MRPL43: variants seen among roughly 807,000 people sequenced by gnomAD.
MRPL43 encodes the protein mitochondrial ribosomal protein L43.
A neutral mutation model predicts 12.7 loss-of-function variants in MRPL43; 9 were observed. The ratio of observed to expected loss-of-function variants is 0.71; its 90% CI spans 0.43 to 1.24. The LOEUF (loss-of-function observed/expected upper bound fraction) is 1.24, where lower values mean the gene tolerates loss of function less well. Ranked by LOEUF, MRPL43 falls within the 50% of genes most tolerant of loss-of-function variation. The pLI is 0.00. For missense variants in MRPL43, 211 were observed against 229.2 expected (o/e 0.92, Z 0.51); for synonymous variants, 116 against 96.4 (o/e 1.20, Z -1.19).
At position 100,987,104 on chromosome 10, in the gene MRPL43, A is replaced by C; in HGVS notation, c.224T>G (p.Val75Gly). Reference protein sequence around the residue: ...VNSRPCCVPRVVAEYLNGAVR... With the variant: ...VNSRPCCVPRGVAEYLNGAVR... ...GCCCCACTCACGGTATTCGGCCACTACTCTGGGCACGCAGCACGGACGCGA... is the reference window on the plus strand; with the variant it reads ...GCCCCACTCACGGTATTCGGCCACTCCTCTGGGCACGCAGCACGGACGCGA... Residue 75 changes from valine (V) to glycine (G), a missense_variant, in exon 2 of 3, where the codon GTA (valine) becomes GGA (glycine). Val to Gly is a moderately radical substitution (Grantham distance 109). Coordinates refer to ENST00000318364, the MANE Select transcript of MRPL43 (RefSeq NM_032112.3). 2.5e-6 allele frequency: 4 copies of C among 1,613,370 alleles called. No homozygotes were observed. The highest frequency in any genetic ancestry group is 3.4e-6 in the Non-Finnish European group (4 of 1,179,964).
downstream of MRPL43, among the ~76,000 whole-genome samples, chr10:100,982,288 G>A (rs1229480696): frequency 6.6e-6 from 1 of 152,156 alleles, no homozygotes; most frequent in African/African-American, 2.4e-5. Context: ...CAAAGGCCAT[G>A]TTGAAGATTT....
chr10:100,979,943 G>A (rs774913495), downstream of MRPL43: 10 of 1,614,140 alleles, frequency 6.2e-6, no homozygotes, highest in Admixed American at 8.3e-5. Context: ...GATGGTTCCC[G>A]GCGCTGGGGT....
chr10:100,986,634 A>G lies in MRPL43; in HGVS notation c.*100T>C. 2 of 1,613,740 alleles carry G rather than the reference A, an allele frequency of 1.2e-6. No individual in the cohort carries two copies. Among genetic ancestry groups the G allele is most frequent in the Non-Finnish European group, 1.7e-6 (2 of 1,179,972 alleles). On this transcript the variant is annotated 3_prime_UTR_variant, in exon 3 of 3. Transcript: ENST00000318364. ...AGAACCTCTGTCAACTTGCCCATTGATGGGTTCCATTTGCCTGGGCTTGGA... is the reference window on the plus strand; with the variant it reads ...AGAACCTCTGTCAACTTGCCCATTGGTGGGTTCCATTTGCCTGGGCTTGGA...
downstream of MRPL43, among the ~76,000 whole-genome samples, chr10:100,981,736 C>T (rs1406409687): frequency 6.6e-6 from 1 of 152,168 alleles, no homozygotes; most frequent in Admixed American, 6.5e-5. Context: ...ATTGCTCAAA[C>T]TTATTCAGCT....
chr10:100,986,322 A>G lies in MRPL43; in HGVS notation c.*412T>C. ...ACCTGTTTTATAAATCTGTATTCAC[A>G]CAGATATAAAGTGCCTAGCCCATCA... On this transcript the variant is annotated 3_prime_UTR_variant, in exon 3 of 3. Coordinates refer to ENST00000318364, the MANE Select transcript of MRPL43 (RefSeq NM_032112.3). 7.1e-7 allele frequency: 1 copy of G among 1,417,562 alleles called. No homozygotes were observed. Among genetic ancestry groups the G allele is most frequent in the Non-Finnish European group, 9.2e-7 (1 of 1,092,176 alleles). 87.8% of individuals were successfully genotyped at this position (1,417,562 alleles called of 1,614,324 possible). A position where few individuals can be genotyped will look rare whatever the true frequency, so the allele number is the denominator to read the frequency against.
downstream of MRPL43, chr10:100,980,123 G>A: frequency 3.1e-6 from 5 of 1,614,200 alleles, no homozygotes; most frequent in Non-Finnish European, 4.2e-6. Flanking sequence ...CCACGCCAGT[G>A]TATCACAGAT....
downstream of MRPL43, chr10:100,983,413 G>T: frequency 1.2e-6 from 2 of 1,612,932 alleles, no homozygotes; most frequent in African/African-American, 1.3e-5. Context: ...CTCAATGGGA[G>T]CATGGGCCTG....
downstream of MRPL43, chr10:100,984,086 G>T: frequency 1.2e-6 from 2 of 1,613,640 alleles, no homozygotes; most frequent in South Asian, 1.1e-5. Context: ...TGGAAAAAAG[G>T]AAGCACACGC....
Position 100,987,121 on chromosome 10 carries a change from C to G in MRPL43, c.207G>C (p.Pro69=), listed in dbSNP as rs756153343. The G allele has an allele frequency of 6.2e-7, 1 of 1,613,814 alleles. No homozygotes were observed. The highest frequency in any genetic ancestry group is 2.2e-5 in the East Asian group (1 of 44,878). Residue 69 remains proline (P), a synonymous_variant, in exon 2 of 3, where the codon CCG becomes CCC. Transcript: ENST00000318364. ...PGVVIYVNSR[P]CCVPRVVAEY... is the part of the protein sequence containing the mutation. ...CGGCCACTACTCTGGGCACGCAGCA[C>G]GGACGCGAGTTTACATATATTACGA...
At chr10:100,978,461 C>G (rs772286333), downstream of MRPL43, 3 of 1,592,462 alleles carry the variant, frequency 1.9e-6, no homozygotes, top group Admixed American at 5.0e-5. Flanking sequence ...GACCTGCCAC[C>G]ATGTATATGT....
chr10:100,984,803 G>C, downstream of MRPL43: 1 of 1,534,920 alleles, frequency 6.5e-7, no homozygotes, highest in Non-Finnish European at 8.7e-7. Context: ...AGCCTGGGGA[G>C]GTAAGACTGC....
downstream of MRPL43, chr10:100,983,567 G>T: frequency 6.2e-7 from 1 of 1,612,998 alleles, no homozygotes; most frequent in Non-Finnish European, 8.5e-7. Flanking sequence ...TCACAGTCCG[G>T]CCAGCCACTC....
downstream of MRPL43, chr10:100,984,429 T>G: frequency 1.3e-6 from 2 of 1,488,258 alleles, no homozygotes; most frequent in Non-Finnish European, 1.8e-6. Context: ...TAAACACTTA[T>G]AGGTGAGGAC....
At chr10:100,986,052 G>C (rs770339152), downstream of MRPL43, among the ~76,000 whole-genome samples, 11 of 152,290 alleles carry the variant, frequency 7.2e-5, no homozygotes, top group South Asian at 2.1e-4. Flanking sequence ...AGAGGGACGT[G>C]GGGGGAAGGA....
chr10:100,983,815 G>A, downstream of MRPL43: 1 of 1,602,680 alleles, frequency 6.2e-7, no homozygotes. Flanking sequence ...TCAGGCCAGT[G>A]TCCTGGAGAG....
downstream of MRPL43, chr10:100,981,324 G>A: frequency 1.3e-6 from 2 of 1,597,642 alleles, no homozygotes; most frequent in Non-Finnish European, 1.7e-6. Flanking sequence ...CTGAGTGGCT[G>A]TGGCTATGTA....
At chr10:100,983,608 C>G (rs997799025), downstream of MRPL43, 4 of 1,613,978 alleles carry the variant, frequency 2.5e-6, no homozygotes, top group Non-Finnish European at 3.4e-6. Context: ...CCTGCCACAC[C>G]TGGGGCACAG....
At chr10:100,980,728 C>A, downstream of MRPL43, 1 of 1,607,936 alleles carries the variant, frequency 6.2e-7, no homozygotes. Flanking sequence ...TATAGCCTTG[C>A]TGAAATAGGA....
At chr10:100,981,725 A>G (rs1006781273), downstream of MRPL43, among the ~76,000 whole-genome samples, 2 of 152,176 alleles carry the variant, frequency 1.3e-5, no homozygotes, top group African/African-American at 4.8e-5. Flanking sequence ...AGTGTAAGTA[A>G]ATTGCTCAAA....
Sources: allele counts gnomAD v4.1 joint callset (sites outside exome capture counted in the v4.1 genomes callset), GRCh38; gene constraint gnomAD v4.1.1; transcripts MANE v1.5; gene names NCBI Gene and HGNC (gene_info 2026-07-23, HGNC 2026-07-21).